Variants in CNTN5 observed in about 807,000 individuals in gnomAD.
The protein encoded by CNTN5 is contactin 5.
Under a neutral mutation model 129.1 loss-of-function variants are expected in CNTN5, and 77 were observed. That is an observed-to-expected ratio of 0.60 (90% confidence interval 0.50 to 0.72). The LOEUF (loss-of-function observed/expected upper bound fraction) is 0.72, where lower values mean the gene tolerates loss of function less well. CNTN5 is among the 30% of genes least tolerant of loss of function. The probability of loss-of-function intolerance (pLI) is 0.00; values close to 1 mark genes in which losing one functional copy is unlikely to be tolerated. For synonymous variants in CNTN5, 509 were observed against 465.6 expected (o/e 1.09, Z -1.20); for missense variants, 1,478 against 1,328.8 (o/e 1.11, Z -1.75).
intron 2 of CNTN5, among the ~76,000 whole-genome samples, chr11:99,535,213 A>T (rs1234404382): frequency 2.6e-5 from 4 of 152,306 alleles, no homozygotes; most frequent in South Asian, 4.1e-4. Flanking sequence ...AAGACAAGAT[A>T]TTAGGAACTT....
rs139623417 is a variant in CNTN5, at chr11:100,179,112, A to C, written c.1581-12014A>C. 2.0e-5 allele frequency among the ~76,000 whole-genome samples: 3 copies of C among 152,228 alleles called. No homozygotes were observed. The East Asian group carries it at 5.8e-4, about 29-fold the overall frequency. Reference sequence around the variant, plus strand: ...CCTCAGTTATTCTAAAATGTACAACAAATTATTGTCAACTGTAGTTATCCT... The same window carrying C: ...CCTCAGTTATTCTAAAATGTACAACCAATTATTGTCAACTGTAGTTATCCT... On this transcript the variant is annotated intron_variant, in intron 13 of 24. Transcript: ENST00000524871.
At chr11:99,294,004 A>C (rs944512926) in intron 1 of CNTN5, among the ~76,000 whole-genome samples, 4 of 151,542 alleles carry the variant, frequency 2.6e-5, no homozygotes, top group African/African-American at 9.7e-5. Context: ...GAGCATTGTT[A>C]GGCTGTTTAT....
intron 1 of CNTN5, among the ~76,000 whole-genome samples, chr11:99,030,571 G>T (rs1863321646): frequency 6.6e-6 from 1 of 152,056 alleles, no homozygotes. Flanking sequence ...TTAGAGCATA[G>T]ATTCTATTTT....
intron 12 of CNTN5, 73 bp downstream of exon 12, chr11:100,071,907 T>A: frequency 7.8e-7 from 1 of 1,276,484 alleles, no homozygotes; most frequent in Non-Finnish European, 1.1e-6. Context: ...TTTACTATAC[T>A]GAAGGTTTAT....
intron 3 of CNTN5, among the ~76,000 whole-genome samples, chr11:99,738,855 T>C (rs932501859): frequency 2.0e-5 from 3 of 152,168 alleles, no homozygotes; most frequent in Non-Finnish European, 2.9e-5. Flanking sequence ...AAAATGTATG[T>C]CAAAAGTTTT....
intron 3 of CNTN5, among the ~76,000 whole-genome samples, chr11:99,569,893 C>T (rs1050435273): frequency 1.3e-5 from 2 of 151,810 alleles, no homozygotes; most frequent in South Asian, 2.1e-4. Context: ...TTTCTTTGGG[C>T]ATTTGGAAAT....
chr11:99,512,984 T>C (rs1301844357), intron 2 of CNTN5, among the ~76,000 whole-genome samples: 1 of 152,154 alleles, frequency 6.6e-6, no homozygotes, highest in African/African-American at 2.4e-5. Context: ...AAAGCTGAGA[T>C]AGGCCAAGAG....
chr11:99,817,687 G>A (rs574193188), intron 3 of CNTN5, among the ~76,000 whole-genome samples: 2 of 139,688 alleles, frequency 1.4e-5, no homozygotes, highest in Non-Finnish European at 1.5e-5. Context: ...AAATGAATAC[G>A]TTCAGAAACT....
At chr11:100,104,246 C>A (rs563151578) in intron 13 of CNTN5, among the ~76,000 whole-genome samples, 8 of 152,090 alleles carry the variant, frequency 5.3e-5, no homozygotes, top group African/African-American at 1.9e-4. Context: ...AGGTACCCAC[C>A]ACCACTCCCA....
At chr11:100,158,465 A>G (rs1175740370) in intron 13 of CNTN5, among the ~76,000 whole-genome samples, 2 of 152,060 alleles carry the variant, frequency 1.3e-5, no homozygotes, top group East Asian at 3.9e-4. Context: ...CATGTTGTTT[A>G]CTTTGAATAT....
intron 8 of CNTN5, among the ~76,000 whole-genome samples, chr11:99,993,807 C>T (rs1366377202): frequency 2.6e-5 from 4 of 152,176 alleles, no homozygotes; most frequent in East Asian, 1.9e-4. Flanking sequence ...TAAAGCAAAA[C>T]GTAACCACTG....
At chr11:99,128,144 C>T (rs1858739616) in intron 1 of CNTN5, among the ~76,000 whole-genome samples, 1 of 152,170 alleles carries the variant, frequency 6.6e-6, no homozygotes, top group South Asian at 2.1e-4. Flanking sequence ...CATCCTCACT[C>T]AGAGGGTCCC....
At chr11:99,071,512 C>G (rs1385586906) in intron 1 of CNTN5, among the ~76,000 whole-genome samples, 1 of 151,974 alleles carries the variant, frequency 6.6e-6, no homozygotes, top group Admixed American at 6.6e-5. Context: ...ATTAGGGAAA[C>G]ATTTTAAAAA....
chr11:99,240,582 G>A (rs1591403525), intron 1 of CNTN5, among the ~76,000 whole-genome samples: 3 of 150,924 alleles, frequency 2.0e-5, no homozygotes, highest in East Asian at 2.1e-4. Context: ...ATCTTCCTCC[G>A]CCTTTACCAG....
chr11:100,088,454 G>A (rs888714622), intron 13 of CNTN5, among the ~76,000 whole-genome samples: 1 of 151,982 alleles, frequency 6.6e-6, no homozygotes, highest in Non-Finnish European at 1.5e-5. Context: ...ACCAAATTTG[G>A]TTCTTTAAAA....
In CNTN5 at chr11:99,566,370, T is replaced by C. The variant is rs373047691; in HGVS notation, c.55+10101T>C. On this transcript the variant is annotated intron_variant, in intron 3 of 24. Transcript: ENST00000524871. Reference sequence around the variant, plus strand: ...AGCAGAACTGTGAGCCAATTAAGCCTCTCTTCTTTACGAATTATCTAGCTT... The same window carrying C: ...AGCAGAACTGTGAGCCAATTAAGCCCCTCTTCTTTACGAATTATCTAGCTT... 3.3e-5 allele frequency among the ~76,000 whole-genome samples: 5 copies of C among 152,300 alleles called. No individual in the cohort carries two copies. The East Asian group carries it at 5.8e-4, about 18-fold the overall frequency.
At chr11:99,241,302 C>T (rs552668515) in intron 1 of CNTN5, among the ~76,000 whole-genome samples, 1 of 132,940 alleles carries the variant, frequency 7.5e-6, no homozygotes, top group South Asian at 2.4e-4. Context: ...TGTGACACTC[C>T]TTCATTTGAT....
At chr11:99,908,420 G>A (rs567645969) in intron 6 of CNTN5, among the ~76,000 whole-genome samples, 1 of 152,000 alleles carries the variant, frequency 6.6e-6, no homozygotes, top group African/African-American at 2.4e-5. Flanking sequence ...CAAACTCTCT[G>A]TGTATGTTGT....
At chr11:100,277,930 G>A (rs923238152) in intron 18 of CNTN5, among the ~76,000 whole-genome samples, 5 of 151,938 alleles carry the variant, frequency 3.3e-5, no homozygotes, top group Non-Finnish European at 7.4e-5. Flanking sequence ...TCCTGTAGTA[G>A]TTTCATATTT....
Sources: allele counts gnomAD v4.1 joint callset (sites outside exome capture counted in the v4.1 genomes callset), GRCh38; gene constraint gnomAD v4.1.1; transcripts MANE v1.5; gene names NCBI Gene and HGNC (gene_info 2026-07-23, HGNC 2026-07-21).